SLC38A12: variants seen among roughly 807,000 people sequenced by gnomAD.
The protein encoded by SLC38A12 is putative sodium-coupled neutral amino acid transporter 12.
the SLC38A12 span, among the ~76,000 whole-genome samples, chr17:74,796,966 G>C: frequency 2.6e-5 from 4 of 152,166 alleles, no homozygotes; most frequent in African/African-American, 9.7e-5. Context: ...AGGGTAGATG[G>C]GCAGAAGGAG....
the SLC38A12 span, among the ~76,000 whole-genome samples, chr17:74,806,233 C>T: frequency 1.3e-5 from 2 of 152,146 alleles, no homozygotes; most frequent in African/African-American, 4.8e-5. Context: ...AAGTTGACCC[C>T]TAGCCTGGCC....
chr17:74,790,010 G>A, the SLC38A12 span, among the ~76,000 whole-genome samples: 2 of 148,888 alleles, frequency 1.3e-5, no homozygotes, highest in Non-Finnish European at 3.0e-5. Context: ...CTGGAGTGCA[G>A]TGTTGCAATC....
the SLC38A12 span, among the ~76,000 whole-genome samples, chr17:74,793,195 C>T: frequency 3.3e-5 from 5 of 152,180 alleles, no homozygotes. Context: ...CAAGCTCAGT[C>T]CTGTTGATGT....
chr17:74,804,466 A>G, the SLC38A12 span, among the ~76,000 whole-genome samples: 3 of 152,258 alleles, frequency 2.0e-5, no homozygotes, highest in African/African-American at 7.2e-5. Context: ...GGACTCGGCT[A>G]TGATGGCCCT....
chr17:74,790,280 G>A, the SLC38A12 span: 1 of 1,614,100 alleles, frequency 6.2e-7, no homozygotes, highest in Non-Finnish European at 8.5e-7. Context: ...CAGAGAAGCG[G>A]CCCATCCTGT....
the SLC38A12 span, among the ~76,000 whole-genome samples, chr17:74,788,314 C>T: frequency 3.9e-5 from 6 of 152,300 alleles, no homozygotes; most frequent in Middle Eastern, 3.4e-3. Flanking sequence ...TCCATGCCTG[C>T]GCTCCTTCCG....
At chr17:74,818,907 T>C in the SLC38A12 span, among the ~76,000 whole-genome samples, 7 of 152,242 alleles carry the variant, frequency 4.6e-5, no homozygotes, top group African/African-American at 1.7e-4. Context: ...CTCTGCTCTG[T>C]CACATTTACC....
At chr17:74,795,044 G>A in the SLC38A12 span, 24 of 1,613,866 alleles carry the variant, frequency 1.5e-5, no homozygotes, top group East Asian at 4.5e-5. Flanking sequence ...CTGCATCATC[G>A]TTTACCTGTA....
At chr17:74,820,643 G>A in the SLC38A12 span, among the ~76,000 whole-genome samples, 1 of 152,128 alleles carries the variant, frequency 6.6e-6, no homozygotes, top group Non-Finnish European at 1.5e-5. Flanking sequence ...CTGAGAGAGG[G>A]GCCTGGACAG....
At chr17:74,836,154 C>T in the SLC38A12 span, 2 of 1,613,814 alleles carry the variant, frequency 1.2e-6, no homozygotes, top group Non-Finnish European at 1.7e-6. This position sits in a 1 kb window ranked among gnomAD's most constrained non-coding sequence, Gnocchi z 4.2. Context: ...CTTCTACGGC[C>T]TCCTCTCCTT....
the SLC38A12 span, among the ~76,000 whole-genome samples, chr17:74,788,448 G>A: frequency 2.6e-5 from 4 of 152,162 alleles, no homozygotes; most frequent in Admixed American, 1.3e-4. Flanking sequence ...CACTGAGAGC[G>A]TCCTCTGATG....
At chr17:74,837,641 C>G in the SLC38A12 span, 16 of 985,422 alleles carry the variant, frequency 1.6e-5, no homozygotes, top group African/African-American at 1.7e-5. Flanking sequence ...AGGGGCTGAG[C>G]GTGGGTGCTC....
the SLC38A12 span, among the ~76,000 whole-genome samples, chr17:74,820,792 C>T: frequency 6.6e-6 from 1 of 152,174 alleles, no homozygotes; most frequent in African/African-American, 2.4e-5. Context: ...CCATTCTACC[C>T]TCATCCAGAC....
chr17:74,820,862 C>T, the SLC38A12 span, among the ~76,000 whole-genome samples: 4 of 152,176 alleles, frequency 2.6e-5, no homozygotes, highest in Admixed American at 1.3e-4. Flanking sequence ...TCATGGTCGC[C>T]GAGGACACTT....
chr17:74,810,075 C>T, the SLC38A12 span, among the ~76,000 whole-genome samples: 2 of 152,214 alleles, frequency 1.3e-5, no homozygotes, highest in South Asian at 2.1e-4. Flanking sequence ...ACTTTTGGCT[C>T]ATGATTGCCT....
chr17:74,837,071 C>T, the SLC38A12 span: 13 of 1,019,530 alleles, frequency 1.3e-5, no homozygotes, highest in Non-Finnish European at 1.5e-5. Flanking sequence ...TTGTCCCAGA[C>T]CCATGCCCCT....
chr17:74,801,514 C>A, the SLC38A12 span, among the ~76,000 whole-genome samples: 1 of 152,054 alleles, frequency 6.6e-6, no homozygotes, highest in East Asian at 1.9e-4. Context: ...GTTGTGAGCC[C>A]CTGAGATGCA....
the SLC38A12 span, among the ~76,000 whole-genome samples, chr17:74,800,496 T>C: frequency 6.6e-6 from 1 of 152,284 alleles, no homozygotes; most frequent in African/African-American, 2.4e-5. Flanking sequence ...GCCCTGGGGC[T>C]GTGGCATCTG....
chr17:74,829,340 T>C, the SLC38A12 span, among the ~76,000 whole-genome samples: 5 of 152,182 alleles, frequency 3.3e-5, no homozygotes, highest in Non-Finnish European at 7.3e-5. This position sits in a 1 kb window ranked among gnomAD's most constrained non-coding sequence, Gnocchi z 4.1. Context: ...GCCAGGCTGG[T>C]CTCAAACTCC....
Sources: gnomAD v4.1 joint callset for allele counts (sites outside exome capture counted in the v4.1 genomes callset) on GRCh38, gnomAD v4.1.1 for gene constraint, Gnocchi (gnomAD v3.1) non-coding constraint, MANE v1.5 for transcripts, NCBI Gene and HGNC (gene_info 2026-07-23, HGNC 2026-07-21) for gene names.